The following PTPRB variants were observed in gnomAD, a reference collection of about 807,000 sequenced individuals.
PTPRB encodes the protein protein tyrosine phosphatase receptor type B, also known as receptor-type tyrosine-protein phosphatase beta.
In PTPRB, 97 loss-of-function variants were observed where a neutral mutation model predicts 238.1. The ratio of observed to expected loss-of-function variants is 0.41; its 90% confidence interval spans 0.35 to 0.48. PTPRB has a LOEUF of 0.48. Among genes scored for constraint, PTPRB ranks in the 20% least tolerant of loss-of-function variants. PTPRB has a pLI of 0.30. For missense variants in PTPRB, 2,292 were observed against 2,681.9 expected (o/e 0.85, Z 3.21); for synonymous variants, 970 against 995.4 (o/e 0.97, Z 0.48).
intron 4 of PTPRB, among the ~76,000 whole-genome samples, chr12:70,600,323 A>T (rs1169949635): frequency 6.6e-6 from 1 of 152,198 alleles, no homozygotes; most frequent in Non-Finnish European, 1.5e-5. Context: ...CTCGTGTTGT[A>T]TAGGAACAGG....
intron 2 of PTPRB, among the ~76,000 whole-genome samples, chr12:70,626,564 G>A (rs751993363): frequency 6.6e-5 from 10 of 151,766 alleles, no homozygotes; most frequent in South Asian, 4.2e-4. Flanking sequence ...GTCATTATTC[G>A]CTAAGCAATA....
intron 11 of PTPRB, among the ~76,000 whole-genome samples, chr12:70,574,514 T>C (rs771750884): frequency 1.3e-5 from 2 of 152,334 alleles, no homozygotes; most frequent in Non-Finnish European, 2.9e-5. Flanking sequence ...GCAAAGCAAC[T>C]ATTACAGGAA....
At chr12:70,547,655 C>T (rs1249316710) in intron 21 of PTPRB, among the ~76,000 whole-genome samples, 1 of 151,668 alleles carries the variant, frequency 6.6e-6, no homozygotes, top group Non-Finnish European at 1.5e-5. Context: ...TACAAGTGCA[C>T]ACTACCATGG....
intron 2 of PTPRB, among the ~76,000 whole-genome samples, chr12:70,626,550 C>A (rs1389903461): frequency 6.6e-6 from 1 of 151,764 alleles, no homozygotes; most frequent in East Asian, 1.9e-4. Flanking sequence ...GACATTTTTT[C>A]CTTGTCATTA....
Position 70,532,041 on chromosome 12 carries a change from C to G in PTPRB, c.6498G>C (p.Gln2166His). The change falls in exon 32 of 34, where the codon CAG becomes CAC. Residue 2166 changes from glutamine to histidine, a missense_variant. This residue lies in a region of PTPRB where 397 missense variants were observed against 502.0 expected (regional missense o/e 0.79). Transcript: ENST00000334414. ...TTCAGTCTATAACTCTTACCTCAGTCTGGACCATGTGAACCCTGTGAAGTC... is the reference window on the plus strand; with the variant it reads ...TTCAGTCTATAACTCTTACCTCAGTGTGGACCATGTGAACCCTGTGAAGTC... ...DLRLHRVHMV[Q>H]TECQYVYLHQ... The G allele has an allele frequency of 6.2e-7, 1 of 1,613,926 alleles. No homozygotes were observed. The highest frequency in any genetic ancestry group is 8.5e-7 in the Non-Finnish European group (1 of 1,179,884).
chr12:70,614,262 G>T (rs1021626142), intron 3 of PTPRB, among the ~76,000 whole-genome samples: 6 of 152,078 alleles, frequency 3.9e-5, no homozygotes, highest in Non-Finnish European at 5.9e-5. Context: ...TCTGAACAAA[G>T]TCTCAGATTA....
chr12:70,559,607 G>T lies in PTPRB; in HGVS notation c.4450C>A (p.Leu1484Ile). 1 of 1,610,278 alleles carries T rather than the reference G, an allele frequency of 6.2e-7. No individual in the cohort carries two copies. The highest frequency in any genetic ancestry group is 1.1e-5 in the South Asian group (1 of 90,988). The change falls in exon 18 of 34, where the codon CTT (leucine) becomes ATT (isoleucine). Residue 1484 changes from leucine (L) to isoleucine (I), a missense_variant. Leu to Ile is a conservative substitution (Grantham distance 5). Coordinates refer to ENST00000334414, the MANE Select transcript of PTPRB (RefSeq NM_001109754.4). Reference sequence around the variant, plus strand: ...TTTGCAATGTCAGCAAATGACATAAGACTGGGAGGACTTGGAGCTGAATGT... The same window carrying T: ...TTTGCAATGTCAGCAAATGACATAATACTGGGAGGACTTGGAGCTGAATGT... ...ESRTAPSPPS[L>I]MSFADIANTS...
chr12:70,634,416 T>C (rs180752956), intron 2 of PTPRB, among the ~76,000 whole-genome samples: 82 of 152,172 alleles, frequency 5.4e-4, no homozygotes, highest in African/African-American at 1.9e-3. Context: ...GAGGAAAAAA[T>C]GGTGGGAAAG....
In PTPRB at chr12:70,636,005, G is replaced by A. The variant is rs1414464326; in HGVS notation, c.117C>T (p.Val39=). The part of the protein sequence containing the change: ...QQCLFKNEKV[V]VGSCNRTIQN... ...GGATGGTCCTGTTGCATGAGCCCAC[G>A]ACCACTTTCTCATTTTTGAAAAGAC... Residue 39 remains valine, a synonymous_variant, in exon 2 of 34, where the codon GTC becomes GTT. Transcript: ENST00000334414. 3.7e-6 allele frequency: 6 copies of A among 1,613,294 alleles called. No homozygotes were observed. The highest frequency in any genetic ancestry group is 1.3e-5 in the African/African-American group (1 of 74,872).
chr12:70,545,705 A>T (rs761408115), intron 21 of PTPRB, among the ~76,000 whole-genome samples: 1 of 152,168 alleles, frequency 6.6e-6, no homozygotes, highest in Non-Finnish European at 1.5e-5. Flanking sequence ...CCTGGCAATG[A>T]GAATGGAAAG....
In PTPRB at chr12:70,596,185, C is replaced by A. The variant is rs1882994527; in HGVS notation, c.1122G>T (p.Gly374=). 1 of 1,613,286 alleles carries A rather than the reference C, an allele frequency of 6.2e-7. No individual in the cohort carries two copies. Among genetic ancestry groups the A allele is most frequent in the Non-Finnish European group, 8.5e-7 (1 of 1,179,752 alleles). ...LFDENNQKIQ[G]VQIQESTSWN... The stretch of plus-strand genomic sequence containing the variant: ...ATGAAGTACTTTCTTGAATTTGAAC[C>A]CCCTGTATCTTTTGGTTATTTTCAT... The change falls in exon 5 of 34, where the codon GGG becomes GGT. Residue 374 remains glycine (G), a synonymous_variant. Transcript: ENST00000334414.
At chr12:70,538,683 A>C (rs1874555482) in intron 27 of PTPRB, 1 of 544,244 alleles carries the variant, frequency 1.8e-6, no homozygotes, top group Non-Finnish European at 3.3e-6. Flanking sequence ...GAGAAGCAAT[A>C]GCATCACATG....
rs539057489 is a variant in PTPRB, at chr12:70,560,078, C to T, written c.4433-454G>A. 1.3e-5 allele frequency among the ~76,000 whole-genome samples: 2 copies of T among 152,046 alleles called. No homozygotes were observed. The highest frequency in any genetic ancestry group is 2.9e-5 in the Non-Finnish European group (2 of 68,010). ...TCTCGAACTCCAGACCTCAAGTGAT[C>T]CACCCACCTCGGCCTCCCAAAGTAC... On this transcript the variant is annotated intron_variant, in intron 17 of 33. Coordinates refer to ENST00000334414, the MANE Select transcript of PTPRB (RefSeq NM_001109754.4). The surrounding 1 kb of genome is among the most constrained non-coding windows in gnomAD (Gnocchi z 4.2).
At chr12:70,622,792 T>C (rs1380051266) in intron 2 of PTPRB, 146 bp from the exon 3 acceptor site, 2 of 952,432 alleles carry the variant, frequency 2.1e-6, no homozygotes, top group Non-Finnish European at 3.0e-6. Context: ...AAATATACTT[T>C]GAGTGTGTGA....
At position 70,534,905 on chromosome 12, in the gene PTPRB, C is replaced by T. The variant is rs769079810; in HGVS notation, c.6132G>A (p.Gly2044=). Residue 2044 remains glycine (G), a synonymous_variant, in exon 30 of 34, where the codon GGG becomes GGA. Transcript: ENST00000334414. The stretch of plus-strand genomic sequence containing the variant: ...CTGAGAGCATCTGCAGGATGAGGTC[C>T]CCATAGTAGAGGGAATCCTGGTCCG... The part of the protein sequence containing the change: ...WPADQDSLYY[G]DLILQMLSES... 2 of 1,613,748 alleles carry T rather than the reference C, an allele frequency of 1.2e-6. No homozygotes were observed. Among genetic ancestry groups the T allele is most frequent in the Admixed American group, 1.7e-5 (1 of 59,992 alleles).
chr12:70,581,107 A>G lies in PTPRB; in HGVS notation c.2507T>C (p.Leu836Pro), dbSNP rs907836292. 5 of 1,614,008 alleles carry G rather than the reference A, an allele frequency of 3.1e-6. No individual in the cohort carries two copies. The highest frequency in any genetic ancestry group is 3.4e-6 in the Non-Finnish European group (4 of 1,179,886). ...YSFHSLKSGS[L>P]YSVVVTTVSG... ...CACTGTTGTTACCACCACGGAGTACAGGCTGCCGGACTTGAGAGAGTGGAA... is the reference window on the plus strand; with the variant it reads ...CACTGTTGTTACCACCACGGAGTACGGGCTGCCGGACTTGAGAGAGTGGAA... Residue 836 changes from leucine (L) to proline (P), a missense_variant, in exon 10 of 34, where the codon CTG becomes CCG. Coordinates refer to ENST00000334414, the MANE Select transcript of PTPRB (RefSeq NM_001109754.4).
intron 10 of PTPRB, among the ~76,000 whole-genome samples, chr12:70,579,470 A>C (rs1881135535): frequency 6.6e-6 from 1 of 152,096 alleles, no homozygotes; most frequent in Non-Finnish European, 1.5e-5. Context: ...AGGCCGAGGC[A>C]GGCAGATCAC....
intron 4 of PTPRB, among the ~76,000 whole-genome samples, chr12:70,601,430 A>G (rs1007071103): frequency 2.6e-5 from 4 of 152,188 alleles, no homozygotes; most frequent in Non-Finnish European, 5.9e-5. Flanking sequence ...GATAAAGTCT[A>G]AGTTTCTTTC....
At chr12:70,612,065 T>C (rs939831436) in intron 3 of PTPRB, among the ~76,000 whole-genome samples, 17 of 152,172 alleles carry the variant, frequency 1.1e-4, no homozygotes, top group East Asian at 7.7e-4. Context: ...AACTGTAACA[T>C]TGGAATAATA....
Sources: gnomAD v4.1 joint callset for allele counts (sites outside exome capture counted in the v4.1 genomes callset) on GRCh38, gnomAD v4.1.1 for gene constraint, gnomAD v4.1.1 regional missense constraint, Gnocchi (gnomAD v3.1) non-coding constraint, MANE v1.5 for transcripts, NCBI Gene and HGNC (gene_info 2026-07-23, HGNC 2026-07-21) for gene names.